Variants in UACA observed in about 807,000 individuals in gnomAD.
The protein encoded by UACA is uveal autoantigen with coiled-coil domains and ankyrin repeats.
In UACA, 112 loss-of-function variants were observed where a neutral mutation model predicts 160.5. The ratio of observed to expected loss-of-function variants is 0.70; its 90% CI spans 0.60 to 0.82. The LOEUF is 0.82. UACA is among the 40% of genes least tolerant of loss of function. The pLI is 0.00. For synonymous variants in UACA, 557 were observed against 568.4 expected, an observed-to-expected ratio of 0.98 and a Z score of 0.29; for missense variants, 1,574 against 1,614.6, an observed-to-expected ratio of 0.97 and a Z score of 0.43.
At chr15:70,692,432 G>A (rs964555283) in intron 3 of UACA, among the ~76,000 whole-genome samples, 2 of 152,046 alleles carry the variant, frequency 1.3e-5, no homozygotes, top group African/African-American at 4.8e-5. Context: ...CAAAGTAATA[G>A]GATTACAAGC....
chr15:70,680,618 A>C (rs1897464755), intron 9 of UACA, among the ~76,000 whole-genome samples: 1 of 152,202 alleles, frequency 6.6e-6, no homozygotes, highest in Admixed American at 6.5e-5. Flanking sequence ...GTGGAATCTG[A>C]CATCTTCTCA....
intron 10 of UACA, among the ~76,000 whole-genome samples, chr15:70,678,945 T>C (rs745619620): frequency 7.2e-5 from 11 of 152,214 alleles, no homozygotes; most frequent in Non-Finnish European, 1.5e-4. Flanking sequence ...CACAAATGTA[T>C]GGTTTACATC....
At chr15:70,745,912 C>T (rs1040717899) in intron 1 of UACA, among the ~76,000 whole-genome samples, 7 of 151,808 alleles carry the variant, frequency 4.6e-5, no homozygotes, top group South Asian at 4.2e-4. Flanking sequence ...TAGCCATATG[C>T]GGAAAACTGG....
At chr15:70,761,217 T>G (rs1251619030) in intron 1 of UACA, among the ~76,000 whole-genome samples, 2 of 152,136 alleles carry the variant, frequency 1.3e-5, no homozygotes. Flanking sequence ...TATGCTAAGC[T>G]CTCTCTGGAG....
Position 70,684,460 on chromosome 15 carries a change from TG to T in UACA, c.603-15del, listed in dbSNP as rs1372618074. The T allele has an allele frequency of 6.3e-7, 1 of 1,590,176 alleles. No homozygotes were observed. The highest frequency in any genetic ancestry group is 8.5e-7 in the Non-Finnish European group (1 of 1,171,916). Reference sequence around the variant, plus strand: ...ATGAGGGCAGTTCTAAATGGAAAAATGGAAGAGCAAAAGACTGAGAAAACTC... The same window carrying T: ...ATGAGGGCAGTTCTAAATGGAAAAATGAAGAGCAAAAGACTGAGAAAACTC... On this transcript the variant is annotated splice_polypyrimidine_tract_variant and intron_variant, in intron 7 of 18. Coordinates refer to ENST00000322954, the MANE Select transcript of UACA (RefSeq NM_018003.4).
chr15:70,769,553 T>C, the UACA span, among the ~76,000 whole-genome samples: 25 of 150,902 alleles, frequency 1.7e-4, no homozygotes, highest in East Asian at 3.7e-3. Flanking sequence ...ATAAACATAT[T>C]TTTATTATAT....
rs749581565 is a variant in UACA, at chr15:70,667,104, TTTC to T, written c.3577_3579del (p.Glu1193del). The T allele has an allele frequency of 5.0e-6, 8 of 1,612,928 alleles. No homozygotes were observed. The highest frequency in any genetic ancestry group is 6.8e-6 in the Non-Finnish European group (8 of 1,179,830). ...GAGACTTCTTCCATTTTGTTTTGGC[TTTC>T]TTCTTCCTTTTCTCTCAAGCTGGCT... is the stretch of plus-strand genomic sequence containing the variant. On this transcript the variant is annotated inframe_deletion, in exon 16 of 19. Transcript: ENST00000322954.
chr15:70,686,196 A>G (rs1243737922), intron 7 of UACA, among the ~76,000 whole-genome samples: 1 of 151,050 alleles, frequency 6.6e-6, no homozygotes, highest in Non-Finnish European at 1.5e-5. Context: ...ACCATGGCCC[A>G]TGACACAGCC....
chr15:70,683,520 G>T (rs941541550), intron 8 of UACA, among the ~76,000 whole-genome samples: 21 of 152,146 alleles, frequency 1.4e-4, no homozygotes, highest in African/African-American at 5.1e-4. Flanking sequence ...AAATATTTAT[G>T]CATAAGGACA....
At position 70,667,613 on chromosome 15, in the gene UACA, T is replaced by C. The variant is rs1292771673; in HGVS notation, c.3071A>G (p.Lys1024Arg). Reference sequence around the variant, plus strand: ...CTTGTCATTCTCTTGCTTGTTTTTCTTGACTTCTTCTTCACTGACACTATA... The same window carrying C: ...CTTGTCATTCTCTTGCTTGTTTTTCCTGACTTCTTCTTCACTGACACTATA... Reference protein sequence around the residue: ...QKYSVSEEEVKKNKQENDKLK... With the variant: ...QKYSVSEEEVRKNKQENDKLK... The change falls in exon 16 of 19, where the codon AAG becomes AGG. Residue 1024 changes from lysine (K) to arginine (R), a missense_variant. By Grantham distance (26) the Lys-to-Arg change is conservative (BLOSUM62 2). Coordinates refer to ENST00000322954, the MANE Select transcript of UACA (RefSeq NM_018003.4). The C allele has an allele frequency of 1.2e-6, 2 of 1,613,016 alleles. No homozygotes were observed. The highest frequency in any genetic ancestry group is 4.5e-5 in the East Asian group (2 of 44,882).
the UACA span, among the ~76,000 whole-genome samples, chr15:70,775,589 A>G: frequency 7.2e-5 from 11 of 152,312 alleles, no homozygotes; most frequent in Admixed American, 4.6e-4. Flanking sequence ...ATGAGAGACC[A>G]TCTTGTTTCA....
intron 1 of UACA, among the ~76,000 whole-genome samples, chr15:70,729,015 T>C (rs887708846): frequency 6.6e-6 from 1 of 152,116 alleles, no homozygotes; most frequent in Non-Finnish European, 1.5e-5. Flanking sequence ...AGAATGGCTA[T>C]TATTATAAAG....
chr15:70,772,934 C>T, the UACA span, among the ~76,000 whole-genome samples: 3 of 151,568 alleles, frequency 2.0e-5, no homozygotes, highest in African/African-American at 7.3e-5. Context: ...ACTAAAAATA[C>T]AAAAATTAGC....
Position 70,668,978 on chromosome 15 carries a change from T to C in UACA, c.1706A>G (p.Gln569Arg). ...AAACTCTTCTACTATCATCTCATTT[T>C]GTTTGATTTGGTTTCTTAATTTCCC... ...EVGKLRNQIK[Q>R]NEMIVEEFKR... Residue 569 changes from glutamine (Q) to arginine (R), a missense_variant, in exon 16 of 19, where the codon CAA (glutamine) becomes CGA (arginine). Transcript: ENST00000322954. 1 of 1,613,954 alleles carries C rather than the reference T, an allele frequency of 6.2e-7. No individual in the cohort carries two copies.
the UACA span, chr15:70,778,758 T>G: frequency 6.6e-6 from 1 of 152,216 alleles, no homozygotes; most frequent in Non-Finnish European, 1.5e-5. Context: ...CACACATAAA[T>G]AAACAAATGT....
At chr15:70,689,507 G>GC (rs1806673208) in intron 5 of UACA, among the ~76,000 whole-genome samples, 1 of 151,922 alleles carries the variant, frequency 6.6e-6, no homozygotes, top group Non-Finnish European at 1.5e-5. Context: ...AAAAAGAAAT[G>GC]CATTGTGTGA....
chr15:70,719,582 A>G (rs919799454), intron 1 of UACA, among the ~76,000 whole-genome samples: 1 of 152,190 alleles, frequency 6.6e-6, no homozygotes, highest in East Asian at 1.9e-4. Context: ...CCACCAAAAC[A>G]TCATTCTGTT....
At position 70,664,826 on chromosome 15, in the gene UACA, T is replaced by A. The variant is rs2140894229; in HGVS notation, c.3961-12A>T. 1 of 1,606,094 alleles carries A rather than the reference T, an allele frequency of 6.2e-7. No individual in the cohort carries two copies. Among genetic ancestry groups the A allele is most frequent in the Non-Finnish European group, 8.5e-7 (1 of 1,176,354 alleles). On this transcript the variant is annotated splice_polypyrimidine_tract_variant and intron_variant, in intron 16 of 18. Transcript: ENST00000322954. ...AGCAGTTCAGTTATCTTTAAAAAAATGTTGTAGGAGAAATATATTATTCAC... is the reference window on the plus strand; with the variant it reads ...AGCAGTTCAGTTATCTTTAAAAAAAAGTTGTAGGAGAAATATATTATTCAC...
At chr15:70,756,349 C>T in intron 1 of UACA, among the ~76,000 whole-genome samples, 1 of 151,794 alleles carries the variant, frequency 6.6e-6, no homozygotes, top group East Asian at 2.0e-4. Context: ...TTAGTAGAGA[C>T]AAGGTTTTAC....
Sources: gnomAD v4.1 joint callset for allele counts (sites outside exome capture counted in the v4.1 genomes callset) on GRCh38, gnomAD v4.1.1 for gene constraint, MANE v1.5 for transcripts, NCBI Gene and HGNC (gene_info 2026-07-23, HGNC 2026-07-21) for gene names.